The following FAM107A variants were observed in gnomAD, a reference collection of about 807,000 sequenced individuals.
FAM107A encodes actin-associated protein FAM107A.
A neutral mutation model predicts 13.7 loss-of-function variants in FAM107A; 19 were observed. The ratio of observed to expected loss-of-function variants is 1.38; its 90% CI spans 0.97 to 2.03. FAM107A has a LOEUF of 2.03. Among genes scored for constraint, FAM107A ranks in the 30% most tolerant of loss-of-function variants. FAM107A has a pLI of 0.00. For synonymous variants in FAM107A, 82 were observed against 74.5 expected, an observed-to-expected ratio of 1.10 and a Z score of -0.52; for missense variants, 203 against 184.4, an observed-to-expected ratio of 1.10 and a Z score of -0.58.
intron 1 of FAM107A, among the ~76,000 whole-genome samples, chr3:58,597,350 C>A (rs531635165): frequency 4.3e-4 from 66 of 152,278 alleles, no homozygotes; most frequent in Admixed American, 1.6e-3. Context: ...CAGGTCACTC[C>A]CATACACAAT....
exon 1 of FAM107A, chr3:58,587,006 A>G (rs1028532803): frequency 5.0e-5 from 71 of 1,419,142 alleles, no homozygotes; most frequent in African/African-American, 2.2e-4. Flanking sequence ...CGTAGTCCGG[A>G]GCCGAAGCGC....
chr3:58,624,273 A>G (rs1278788548), intron 1 of FAM107A, among the ~76,000 whole-genome samples: 1 of 152,208 alleles, frequency 6.6e-6, no homozygotes, highest in African/African-American at 2.4e-5. Context: ...GTGTTAAAAT[A>G]TCTTCTTGCA....
intron 1 of FAM107A, among the ~76,000 whole-genome samples, chr3:58,626,316 G>A (rs1402880602): frequency 6.6e-6 from 1 of 152,182 alleles, no homozygotes; most frequent in Non-Finnish European, 1.5e-5. Flanking sequence ...GGTCCGCAGA[G>A]CACATTTCCA....
chr3:58,589,110 G>T, upstream of FAM107A: 2 of 783,658 alleles, frequency 2.6e-6, no homozygotes, highest in South Asian at 1.5e-5. Context: ...AGCAAAGTGG[G>T]ACTCAGGGAA....
chr3:58,615,661 T>A (rs936841220), intron 1 of FAM107A, among the ~76,000 whole-genome samples: 2 of 152,000 alleles, frequency 1.3e-5, no homozygotes, highest in Non-Finnish European at 2.9e-5. Context: ...TTTGGGAGGC[T>A]GAGGTGTGTG....
chr3:58,577,202 C>T lies in FAM107A; in HGVS notation c.-6+107G>A. 2.5e-6 allele frequency: 1 copy of T among 403,494 alleles called. No homozygotes were observed. Among genetic ancestry groups the T allele is most frequent in the Non-Finnish European group, 3.4e-6 (1 of 298,086 alleles). 25.0% of individuals were successfully genotyped at this position (403,494 alleles called of 1,614,324 possible). On this transcript the variant is annotated intron_variant, in intron 1 of 3. Coordinates refer to ENST00000360997, the MANE Select transcript of FAM107A (RefSeq NM_001076778.3). The surrounding 1 kb of genome is among the most constrained non-coding windows in gnomAD (Gnocchi z 4.9). ...TACCTAAACTCAAAGCACTCAGGTC[C>T]ACTGACAGCCCACTTCAGTGTACCG...
Position 58,566,613 on chromosome 3 carries a change from AGT to A in FAM107A, c.408_409del (p.Leu137AspfsTer43), listed in dbSNP as rs1193339412. The A allele has an allele frequency of 1.1e-5, 17 of 1,613,664 alleles. No individual in the cohort carries two copies. The highest frequency in any genetic ancestry group is 2.7e-5 in the African/African-American group (2 of 74,910). On this transcript the variant is annotated frameshift_variant, in exon 4 of 4. Transcript: ENST00000360997. LOFTEE classifies it high-confidence loss of function. ...CTACAGCTCTCTCTCTTCGCTGGTC[AGT>A]GTGGCAATTCTCCGCAGGTTTTCCC...
chr3:58,602,841 A>G (rs2065763936), intron 1 of FAM107A, among the ~76,000 whole-genome samples: 1 of 152,236 alleles, frequency 6.6e-6, no homozygotes, highest in African/African-American at 2.4e-5. Context: ...CCACCAACCT[A>G]ATATATACAT....
At chr3:58,627,401 ACTT>A in intron 1 of FAM107A, 1 of 198,912 alleles carries the variant, frequency 5.0e-6, no homozygotes, top group African/African-American at 2.3e-5. Context: ...AGCGGGCAGG[ACTT>A]GGCCTTCTCA....
chr3:58,593,284 G>A (rs138550591), intron 1 of FAM107A, among the ~76,000 whole-genome samples: 2,008 of 152,118 alleles, frequency 0.013, 57 homozygotes, highest in African/African-American at 0.046. Context: ...AGGTCTATTC[G>A]TCCTTACCCT....
rs140353181 is a variant in FAM107A, at chr3:58,604,008, G to A, written c.-69-14739C>T. On this transcript the variant is annotated intron_variant, in intron 1 of 3. Coordinates refer to the FAM107A transcript ENST00000465970. The surrounding 1 kb of genome is among the most constrained non-coding windows in gnomAD (Gnocchi z 4.1). ...CACCAAAAGGAAAGAGGTTGAGGCCGTGGGTGGAAGCCCTCCCAATAGCCC... is the reference window on the plus strand; with the variant it reads ...CACCAAAAGGAAAGAGGTTGAGGCCATGGGTGGAAGCCCTCCCAATAGCCC... Among the ~76,000 whole-genome samples the A allele has an allele frequency of 3.2e-4, 49 of 152,254 alleles. No homozygotes were observed. The highest frequency in any genetic ancestry group is 1.1e-3 in the African/African-American group (44 of 41,550).
At chr3:58,614,509 T>TC (rs1189626730) in intron 1 of FAM107A, among the ~76,000 whole-genome samples, 1 of 150,110 alleles carries the variant, frequency 6.7e-6, no homozygotes, top group African/African-American at 2.4e-5. Flanking sequence ...TTTCTTTCTT[T>TC]TTTTTTTTTT....
intron 1 of FAM107A, among the ~76,000 whole-genome samples, chr3:58,570,811 G>A (rs2063676309): frequency 6.6e-6 from 1 of 152,232 alleles, no homozygotes; most frequent in African/African-American, 2.4e-5. Flanking sequence ...GCAGTGTCTG[G>A]TCTGGTATGC....
At chr3:58,610,953 G>A (rs1050582707) in intron 1 of FAM107A, among the ~76,000 whole-genome samples, 4 of 152,214 alleles carry the variant, frequency 2.6e-5, no homozygotes, top group African/African-American at 9.6e-5. Context: ...AAAGGGACCT[G>A]GCAGGAGTTG....
chr3:58,595,439 C>A (rs2065690740), intron 1 of FAM107A, among the ~76,000 whole-genome samples: 1 of 152,128 alleles, frequency 6.6e-6, no homozygotes, highest in Admixed American at 6.6e-5. Flanking sequence ...CTTAACTGAT[C>A]AATTGATCTT....
rs181951097 is a variant in FAM107A at position 58,565,685 on chromosome 3, G to A, written c.*903C>T. 2.0e-5 allele frequency: 3 copies of A among 152,102 alleles called. No individual in the cohort carries two copies. In the East Asian group the frequency reaches 5.8e-4, roughly 30 times the overall value. The allele number at this position is 152,102 out of a possible 1,614,324, so 9.4% of individuals were successfully genotyped here. On this transcript the variant is annotated 3_prime_UTR_variant, in exon 4 of 4. Transcript: ENST00000360997. ...TCCCTGGGGCATCAGTCCACAGGAG[G>A]TGGGGGCCAGCGATGGCTTCAGGGG... is the stretch of plus-strand genomic sequence containing the variant.
At chr3:58,603,757 C>T (rs1344958615) in intron 1 of FAM107A, among the ~76,000 whole-genome samples, 1 of 152,168 alleles carries the variant, frequency 6.6e-6, no homozygotes, top group Non-Finnish European at 1.5e-5. Flanking sequence ...GGGTGATTGT[C>T]TGAGAAGGGT....
Position 58,575,501 on chromosome 3 carries a change from C to T in FAM107A, c.-6+1808G>A, listed in dbSNP as rs117808127. 3.1e-5 allele frequency among the ~76,000 whole-genome samples: 4 copies of T among 127,240 alleles called. No homozygotes were observed. The East Asian group carries it at 7.5e-4, about 24-fold the overall frequency. The allele number at this position is 127,240 out of a possible 152,430, so 83.5% of individuals were successfully genotyped here. On this transcript the variant is annotated intron_variant, in intron 1 of 3. Coordinates refer to ENST00000360997, the MANE Select transcript of FAM107A (RefSeq NM_001076778.3). ...TGTTTTATAGATGAGAAAACTAAGG[C>T]TCAGAGAGGCCAAGCTACTTGTCTC...
In FAM107A at chr3:58,569,656, C is replaced by A. The variant is rs1464583406; in HGVS notation, c.170+35G>T. ...TCCCCATCCCCCACAGGCCCAGGTG[C>A]TTGCGGGGCCCAGGCAGCAGGGCTT... On this transcript the variant is annotated intron_variant, in intron 2 of 3. Coordinates refer to ENST00000360997, the MANE Select transcript of FAM107A (RefSeq NM_001076778.3). This position sits in a 1 kb window ranked among gnomAD's most constrained non-coding sequence, Gnocchi z 5.7. 1.9e-6 allele frequency: 3 copies of A among 1,579,798 alleles called. No homozygotes were observed. Among genetic ancestry groups the A allele is most frequent in the South Asian group, 1.1e-5 (1 of 86,996 alleles).
Sources: gnomAD v4.1 joint callset for allele counts (sites outside exome capture counted in the v4.1 genomes callset) on GRCh38, gnomAD v4.1.1 for gene constraint, Gnocchi (gnomAD v3.1) non-coding constraint, MANE v1.5 for transcripts, NCBI Gene and HGNC (gene_info 2026-07-23, HGNC 2026-07-21) for gene names.